CAPN14: variants seen among roughly 807,000 people sequenced by gnomAD.
CAPN14 encodes calpain 14.
CAPN14 carries 94 observed loss-of-function variants against 101.3 expected under a neutral mutation model. The ratio of observed to expected loss-of-function variants is 0.93; its 90% CI spans 0.79 to 1.10. The LOEUF is 1.10. Ranked by LOEUF, CAPN14 falls within the 50% of genes least tolerant of loss-of-function variation. The pLI, the probability that CAPN14 is intolerant of heterozygous loss-of-function variation, is 0.00. For missense variants in CAPN14, 837 were observed against 828.4 expected, an observed-to-expected ratio of 1.01 and a Z score of -0.13; for synonymous variants, 338 against 317.9, an observed-to-expected ratio of 1.06 and a Z score of -0.67.
At position 31,188,311 on chromosome 2, in the gene CAPN14, T is replaced by C. The variant is rs1681003865; in HGVS notation, c.1530+7A>G. On this transcript the variant is annotated splice_region_variant and intron_variant, in intron 14 of 21. Transcript: ENST00000403897. ...CCAGCCATATGGAATTCCACCAGAC[T>C]ACTCACCTTTGAGAAGACGACACCA... The C allele has an allele frequency of 6.4e-7, 1 of 1,551,196 alleles. No individual in the cohort carries two copies. Among genetic ancestry groups the C allele is most frequent in the Non-Finnish European group, 8.7e-7 (1 of 1,146,566 alleles).
At chr2:31,201,725 G>A (rs1346007625) in intron 5 of CAPN14, 137 bp downstream of exon 5, 32 of 1,140,046 alleles carry the variant, frequency 2.8e-5, no homozygotes, top group South Asian at 2.1e-4. Flanking sequence ...GACTGAATAC[G>A]TTGTCACTTC....
chr2:31,180,868 C>T (rs1680558338), intron 17 of CAPN14, 68 bp downstream of exon 17: 2 of 1,364,570 alleles, frequency 1.5e-6, no homozygotes, highest in Non-Finnish European at 2.0e-6. Flanking sequence ...TTCAAATATA[C>T]TCTGCCTAGC....
intron 7 of CAPN14, among the ~76,000 whole-genome samples, chr2:31,197,799 A>G (rs1249417931): frequency 6.6e-6 from 1 of 152,148 alleles, no homozygotes; most frequent in East Asian, 1.9e-4. Flanking sequence ...GAGGCAGAGA[A>G]TGGAGTTATG....
At chr2:31,175,678 C>G (rs1054378377) in intron 21 of CAPN14, among the ~76,000 whole-genome samples, 4 of 152,188 alleles carry the variant, frequency 2.6e-5, no homozygotes, top group African/African-American at 9.6e-5. Flanking sequence ...CACATCAAAT[C>G]TTGGAGGGAT....
At position 31,174,539 on chromosome 2, in the gene CAPN14, A is replaced by C; in HGVS notation, c.*142T>G. 1 of 815,482 alleles carries C rather than the reference A, an allele frequency of 1.2e-6. No homozygotes were observed. The allele number at this position is 815,482 out of a possible 1,614,324, so 50.5% of individuals were successfully genotyped here. ...TGCACGGGGAGGGCTGCAGAAGAGA[A>C]ACCTTCCCAGCTGAGAAGGTGACGG... On this transcript the variant is annotated 3_prime_UTR_variant, in exon 22 of 22. Coordinates refer to ENST00000403897, the MANE Select transcript of CAPN14 (RefSeq NM_001145122.2).
intron 16 of CAPN14, 69 bp downstream of exon 16, chr2:31,186,359 G>A (rs1680900054): frequency 1.7e-6 from 2 of 1,154,922 alleles, no homozygotes; most frequent in Admixed American, 2.6e-5. Context: ...AAGGGAAAGA[G>A]AAACAAAGCC....
upstream of CAPN14, among the ~76,000 whole-genome samples, chr2:31,222,219 T>G (rs1682880927): frequency 6.6e-6 from 1 of 152,220 alleles, no homozygotes; most frequent in African/African-American, 2.4e-5. Context: ...AAGACCAAAC[T>G]TCCCCTCAAC....
At chr2:31,192,213 G>T in intron 10 of CAPN14, 115 bp from the exon 11 acceptor site, 1 of 1,190,868 alleles carries the variant, frequency 8.4e-7, no homozygotes, top group Non-Finnish European at 1.1e-6. Flanking sequence ...GACACCCTGA[G>T]GCCCACTGGG....
intron 12 of CAPN14, among the ~76,000 whole-genome samples, chr2:31,190,383 G>A (rs1044083429): frequency 6.6e-6 from 1 of 152,124 alleles, no homozygotes; most frequent in Non-Finnish European, 1.5e-5. Context: ...GATGAGGTAG[G>A]CATTTTTTTT....
chr2:31,214,000 G>C (rs552681590), intron 1 of CAPN14, among the ~76,000 whole-genome samples: 7 of 152,306 alleles, frequency 4.6e-5, no homozygotes, highest in Admixed American at 2.6e-4. Context: ...CCCCAAGCAT[G>C]ATTCTTCATT....
intron 2 of CAPN14, among the ~76,000 whole-genome samples, chr2:31,204,685 A>G (rs1681979295): frequency 6.6e-6 from 1 of 152,134 alleles, no homozygotes. Context: ...CAGGGAGGGC[A>G]TGAGAGCTCC....
At chr2:31,213,629 T>G (rs1682505745) in intron 1 of CAPN14, among the ~76,000 whole-genome samples, 1 of 152,230 alleles carries the variant, frequency 6.6e-6, no homozygotes, top group Non-Finnish European at 1.5e-5. Flanking sequence ...CATTAAGAAT[T>G]TATCTTAATG....
intron 2 of CAPN14, 137 bp from the exon 3 acceptor site, chr2:31,203,276 C>T (rs1318338663): frequency 3.1e-6 from 2 of 643,170 alleles, no homozygotes; most frequent in African/African-American, 3.7e-5. Context: ...TCAGTGCTAT[C>T]CCAGAAGATC....
chr2:31,189,364 G>T lies in CAPN14; in HGVS notation c.1402C>A (p.Pro468Thr). ...KEVSQELCLE[P>T]GTYLIVPCIL... is the part of the protein sequence containing the mutation. ...CAGGGCACGATGAGGTACGTCCCTG[G>T]TTCCAGACACAGCTCCTGACTCACT... Residue 468 changes from proline to threonine, a missense_variant, in exon 13 of 22, where the codon CCA (proline) becomes ACA (threonine). Physicochemically the swap from Pro to Thr is conservative, Grantham distance 38. Transcript: ENST00000403897. 1 of 1,551,742 alleles carries T rather than the reference G, an allele frequency of 6.4e-7. No individual in the cohort carries two copies. Among genetic ancestry groups the T allele is most frequent in the Non-Finnish European group, 8.7e-7 (1 of 1,147,018 alleles).
chr2:31,176,761 T>C, intron 20 of CAPN14, 119 bp from the exon 21 acceptor site: 1 of 944,578 alleles, frequency 1.1e-6, no homozygotes, highest in Non-Finnish European at 1.7e-6. Flanking sequence ...GGGAACCCAG[T>C]GTCAGCCTAC....
At chr2:31,219,741 T>C (rs1358395399), upstream of CAPN14, among the ~76,000 whole-genome samples, 2 of 152,218 alleles carry the variant, frequency 1.3e-5, no homozygotes, top group Non-Finnish European at 2.9e-5. Flanking sequence ...GTAGGTTCAC[T>C]AACTTTGTGA....
chr2:31,191,356 T>C (rs1253616259), intron 12 of CAPN14, 43 bp downstream of exon 12: 3 of 1,537,122 alleles, frequency 2.0e-6, no homozygotes, highest in South Asian at 1.2e-5. Context: ...CCACATGTGA[T>C]GTCACCCCAA....
chr2:31,200,301 G>A (rs1398086688), intron 6 of CAPN14, 150 bp downstream of exon 6: 7 of 649,446 alleles, frequency 1.1e-5, no homozygotes, highest in Non-Finnish European at 1.5e-5. Flanking sequence ...CACCGCACCT[G>A]GCCTTGCTGC....
At position 31,230,078 on chromosome 2, in the gene CAPN14, A is replaced by G. The variant is rs1213096064; in HGVS notation, c.-176-3427T>C. On this transcript the variant is annotated intron_variant and NMD_transcript_variant, in intron 1 of 21. Transcript: ENST00000398824. This position sits in a 1 kb window ranked among gnomAD's most constrained non-coding sequence, Gnocchi z 4.3. ...GGGGGTACATGTGAAGGTTTGTTAT[A>G]TAGGTAAACTAGTGTCATGGAGGTC... Among the ~76,000 whole-genome samples the G allele has an allele frequency of 6.6e-6, 1 of 152,182 alleles. No individual in the cohort carries two copies. The highest frequency in any genetic ancestry group is 1.5e-5 in the Non-Finnish European group (1 of 68,044).
Sources: gnomAD v4.1 joint callset for allele counts (sites outside exome capture counted in the v4.1 genomes callset) on GRCh38, gnomAD v4.1.1 for gene constraint, Gnocchi (gnomAD v3.1) non-coding constraint, MANE v1.5 for transcripts, NCBI Gene and HGNC (gene_info 2026-07-23, HGNC 2026-07-21) for gene names.